The following TENM3 variants were observed in gnomAD, a reference collection of about 807,000 sequenced individuals.
TENM3 encodes the protein teneurin transmembrane protein 3.
Under a neutral mutation model 255.1 loss-of-function variants are expected in TENM3, and 63 were observed. The observed-to-expected ratio is 0.25, with a 90% CI of 0.20 to 0.30. The LOEUF (loss-of-function observed/expected upper bound fraction) is 0.30. Ranked by LOEUF, TENM3 falls within the 10% of genes least tolerant of loss-of-function variation. The pLI is 1.00. For missense variants in TENM3, 2,929 were observed against 3,461.1 expected (o/e 0.85, Z 3.86); for synonymous variants, 1,306 against 1,322.3 (o/e 0.99, Z 0.27).
the TENM3 span, among the ~76,000 whole-genome samples, chr4:182,100,432 T>A: frequency 1.2e-5 from 1 of 84,850 alleles, no homozygotes; most frequent in African/African-American, 4.2e-5. Flanking sequence ...CAAAACTCCG[T>A]CTCCGTAAAA....
At chr4:182,372,383 A>C (rs946211861) in intron 3 of TENM3, among the ~76,000 whole-genome samples, 1 of 129,622 alleles carries the variant, frequency 7.7e-6, no homozygotes, top group Non-Finnish European at 1.7e-5. Flanking sequence ...TGACACTGAC[A>C]TCTTTACAAA....
Position 182,792,471 on chromosome 4 carries a change from G to T in TENM3, c.5799G>T (p.Leu1933=). 2.5e-6 allele frequency: 4 copies of T among 1,614,036 alleles called. No homozygotes were observed. The highest frequency in any genetic ancestry group is 3.4e-6 in the Non-Finnish European group (4 of 1,179,896). ...TCACGGACTACAACGAGGAAGGGCT[G>T]CTTCTACAAACAGCTTTCTTGGGTA... ...SIITDYNEEG[L]LLQTAFLGTS... Residue 1933 remains leucine, a synonymous_variant, in exon 26 of 28, where the codon CTG becomes CTT. Coordinates refer to ENST00000511685, the MANE Select transcript of TENM3 (RefSeq NM_001080477.4). The surrounding 1 kb of genome is among the most constrained non-coding windows in gnomAD (Gnocchi z 6.3).
the TENM3 span, among the ~76,000 whole-genome samples, chr4:181,980,710 A>G: frequency 6.6e-6 from 1 of 152,238 alleles, no homozygotes. Flanking sequence ...TAAAATATCA[A>G]TTAGTCATTT....
the TENM3 span, among the ~76,000 whole-genome samples, chr4:182,067,395 C>A: frequency 6.6e-6 from 1 of 152,118 alleles, no homozygotes; most frequent in Non-Finnish European, 1.5e-5. Context: ...CCCCATCATT[C>A]GGGGTTCAGT....
At chr4:182,572,690 A>G (rs996233871) in intron 3 of TENM3, among the ~76,000 whole-genome samples, 1 of 152,192 alleles carries the variant, frequency 6.6e-6, no homozygotes, top group African/African-American at 2.4e-5. Context: ...ATTGAAGGCA[A>G]TCAGGTTAAA....
chr4:182,274,383 C>G (rs1385897734), intron 1 of TENM3, among the ~76,000 whole-genome samples: 1 of 152,184 alleles, frequency 6.6e-6, no homozygotes, highest in African/African-American at 2.4e-5. Flanking sequence ...GACAGGAATC[C>G]CGGCTTCCAC....
At chr4:181,908,443 A>G in the TENM3 span, among the ~76,000 whole-genome samples, 1 of 152,212 alleles carries the variant, frequency 6.6e-6, no homozygotes, top group Non-Finnish European at 1.5e-5. Context: ...AAATTAAACA[A>G]TAATTTAATT....
intron 3 of TENM3, among the ~76,000 whole-genome samples, chr4:182,583,157 C>G (rs1745670976): frequency 6.6e-6 from 1 of 152,236 alleles, no homozygotes; most frequent in South Asian, 2.1e-4. Flanking sequence ...TATCTTACAT[C>G]AGCTGTGGAG....
chr4:182,295,431 C>A (rs1761423502), intron 1 of TENM3, among the ~76,000 whole-genome samples: 1 of 151,768 alleles, frequency 6.6e-6, no homozygotes. Context: ...CCACGCCCAG[C>A]TAATTTTTTA....
At chr4:181,657,264 G>A in the TENM3 span, among the ~76,000 whole-genome samples, 8 of 152,114 alleles carry the variant, frequency 5.3e-5, no homozygotes, top group Non-Finnish European at 1.2e-4. Context: ...TTCTTTGCCT[G>A]GGAATTTATA....
the TENM3 span, among the ~76,000 whole-genome samples, chr4:181,737,113 C>T: frequency 2.6e-5 from 4 of 152,156 alleles, no homozygotes; most frequent in Non-Finnish European, 5.9e-5. Context: ...AGACCAAGTT[C>T]TCTTCCATGG....
At chr4:181,714,707 G>A in the TENM3 span, among the ~76,000 whole-genome samples, 1 of 152,088 alleles carries the variant, frequency 6.6e-6, no homozygotes, top group East Asian at 1.9e-4. Context: ...TGATGCTGGA[G>A]TTCTTTTTTT....
the TENM3 span, among the ~76,000 whole-genome samples, chr4:182,052,244 T>A: frequency 6.6e-6 from 1 of 152,118 alleles, no homozygotes; most frequent in Non-Finnish European, 1.5e-5. Context: ...AGACCTCTTA[T>A]GAAGGAACAG....
At chr4:182,616,093 C>T (rs781347261) in intron 4 of TENM3, among the ~76,000 whole-genome samples, 1 of 152,126 alleles carries the variant, frequency 6.6e-6, no homozygotes, top group Non-Finnish European at 1.5e-5. Context: ...TGAAACCTAC[C>T]GCTTTAATGT....
chr4:182,606,638 C>G (rs1308118902), intron 4 of TENM3, among the ~76,000 whole-genome samples: 5 of 151,378 alleles, frequency 3.3e-5, no homozygotes, highest in African/African-American at 7.3e-5. Flanking sequence ...TTTCCAAAAC[C>G]ATTCTCTCAG....
chr4:182,632,344 A>G lies in TENM3; in HGVS notation c.988+3455A>G, dbSNP rs778492431. Among the ~76,000 whole-genome samples, 17 of 152,228 alleles carry G rather than the reference A, an allele frequency of 1.1e-4. 1 individual carries two copies. The highest frequency in any genetic ancestry group is 6.5e-5 in the Admixed American group (1 of 15,282). On this transcript the variant is annotated intron_variant, in intron 5 of 27. Coordinates refer to ENST00000511685, the MANE Select transcript of TENM3 (RefSeq NM_001080477.4). ...TTTTGAAGGATGTTTGCTGTACCACAGAGTAGGCATGTTTTAAATTTTGAA... is the reference window on the plus strand; with the variant it reads ...TTTTGAAGGATGTTTGCTGTACCACGGAGTAGGCATGTTTTAAATTTTGAA...
chr4:181,776,990 C>T, the TENM3 span, among the ~76,000 whole-genome samples: 17 of 152,058 alleles, frequency 1.1e-4, no homozygotes, highest in African/African-American at 4.1e-4. Context: ...AAGTCTTAGC[C>T]GTAAAATCTT....
At chr4:181,651,464 T>C in the TENM3 span, among the ~76,000 whole-genome samples, 1 of 152,046 alleles carries the variant, frequency 6.6e-6, no homozygotes, top group African/African-American at 2.4e-5. Context: ...GGCATGTGCC[T>C]GTAATCTCAG....
intron 3 of TENM3, among the ~76,000 whole-genome samples, chr4:182,398,680 C>T (rs1769019436): frequency 6.6e-6 from 1 of 152,176 alleles, no homozygotes; most frequent in Admixed American, 6.5e-5. Context: ...GGAGGAAAGG[C>T]AGATGCCACA....
Sources: gnomAD v4.1 joint callset for allele counts (sites outside exome capture counted in the v4.1 genomes callset) on GRCh38, gnomAD v4.1.1 for gene constraint, Gnocchi (gnomAD v3.1) non-coding constraint, MANE v1.5 for transcripts, NCBI Gene and HGNC (gene_info 2026-07-23, HGNC 2026-07-21) for gene names.